WDFY4: variants seen among roughly 807,000 people sequenced by gnomAD.
The protein encoded by WDFY4 is WDFY family member 4.
Under a neutral mutation model 351.9 loss-of-function variants are expected in WDFY4, and 169 were observed. The observed-to-expected ratio is 0.48, with a 90% CI of 0.42 to 0.55. The LOEUF (loss-of-function observed/expected upper bound fraction) is 0.55. Ranked by LOEUF, WDFY4 falls within the 20% of genes least tolerant of loss-of-function variation. The pLI is 0.00. For missense variants in WDFY4, 3,803 were observed against 3,935.6 expected, an observed-to-expected ratio of 0.97 and a Z score of 0.90; for synonymous variants, 1,622 against 1,574.6, an observed-to-expected ratio of 1.03 and a Z score of -0.71.
chr10:48,819,427 A>G (rs2067735518), intron 32 of WDFY4, among the ~76,000 whole-genome samples: 1 of 152,230 alleles, frequency 6.6e-6, no homozygotes, highest in African/African-American at 2.4e-5. Flanking sequence ...AGGTGCCATT[A>G]AATTCATTTT....
At chr10:48,948,137 G>A (rs1342682970) in intron 51 of WDFY4, among the ~76,000 whole-genome samples, 1 of 152,168 alleles carries the variant, frequency 6.6e-6, no homozygotes, top group Non-Finnish European at 1.5e-5. Flanking sequence ...TCCAAATAAG[G>A]AGCAAACGTC....
intron 1 of WDFY4, among the ~76,000 whole-genome samples, chr10:48,697,455 T>A (rs1369396530): frequency 6.6e-6 from 1 of 152,190 alleles, no homozygotes; most frequent in East Asian, 1.9e-4. Context: ...GTCACAATGT[T>A]GGGGAACCCG....
intron 24 of WDFY4, among the ~76,000 whole-genome samples, chr10:48,796,880 C>T (rs1047709433): frequency 1.1e-4 from 16 of 152,114 alleles, no homozygotes; most frequent in African/African-American, 2.7e-4. Flanking sequence ...CAGAAGGACA[C>T]GCCTGAGGCT....
intron 22 of WDFY4, 148 bp downstream of exon 22, chr10:48,790,133 G>A: frequency 1.4e-6 from 1 of 730,864 alleles, no homozygotes; most frequent in Admixed American, 2.2e-5. Flanking sequence ...AGTGAATCCA[G>A]CCAGAGAGTT....
chr10:48,849,622 C>T (rs550445126), intron 39 of WDFY4, among the ~76,000 whole-genome samples: 1 of 152,278 alleles, frequency 6.6e-6, no homozygotes, highest in South Asian at 2.1e-4. Context: ...GGGTGAATTC[C>T]CATTGTGATT....
chr10:48,759,492 C>A (rs910757412), intron 12 of WDFY4, among the ~76,000 whole-genome samples: 2 of 152,188 alleles, frequency 1.3e-5, no homozygotes, highest in East Asian at 1.9e-4. Context: ...ACTACAGGTC[C>A]TCTGGTCAGA....
In WDFY4 at chr10:48,786,660, C is replaced by T. The variant is rs1408295218; in HGVS notation, c.3598C>T (p.Pro1200Ser). 1.2e-5 allele frequency: 18 copies of T among 1,551,732 alleles called. No homozygotes were observed. Among genetic ancestry groups the T allele is most frequent in the Non-Finnish European group, 1.6e-5 (18 of 1,146,994 alleles). ...ACAGATGTTATACATCCAGGCTCTACCAGGGCCTTTCCTTTCTATGGATCC... is the reference window on the plus strand; with the variant it reads ...ACAGATGTTATACATCCAGGCTCTATCAGGGCCTTTCCTTTCTATGGATCC... Reference protein sequence around the residue: ...SAKMLYIQALPGPFLSMDPSA... With the variant: ...SAKMLYIQALSGPFLSMDPSA... Residue 1200 changes from proline to serine, a missense_variant, in exon 20 of 62, where the codon CCA (proline) becomes TCA (serine). By Grantham distance (74) the Pro-to-Ser change is moderately conservative. Around this residue, in one of 3 missense-constraint regions of WDFY4, gnomAD observed 3,054 missense variants for 3,148.6 expected, o/e 0.97. Transcript: ENST00000325239.
At chr10:48,796,668 C>A (rs2066886632) in intron 24 of WDFY4, among the ~76,000 whole-genome samples, 2 of 152,202 alleles carry the variant, frequency 1.3e-5, no homozygotes, top group African/African-American at 4.8e-5. Context: ...CCTCTCTGAG[C>A]CCCACTCTTT....
chr10:48,920,569 G>A (rs1169480896), intron 47 of WDFY4, among the ~76,000 whole-genome samples: 2 of 152,026 alleles, frequency 1.3e-5, no homozygotes, highest in Admixed American at 6.5e-5. Flanking sequence ...ATCATACTTC[G>A]TGAAGGACAG....
chr10:48,720,209 T>G, intron 3 of WDFY4, 84 bp downstream of exon 3: 3 of 1,348,554 alleles, frequency 2.2e-6, no homozygotes, highest in Non-Finnish European at 3.1e-6. Context: ...GGCCCCCCTC[T>G]GCTTTCGCGT....
intron 12 of WDFY4, among the ~76,000 whole-genome samples, chr10:48,751,250 A>G (rs755175300): frequency 3.9e-5 from 6 of 152,236 alleles, no homozygotes; most frequent in Non-Finnish European, 8.8e-5. Flanking sequence ...CCACTGAGCT[A>G]AACATTTAAA....
chr10:48,890,491 G>A lies in WDFY4; in HGVS notation c.7168-88G>A. On this transcript the variant is annotated intron_variant, in intron 43 of 61. Transcript: ENST00000325239. Reference sequence around the variant, plus strand: ...TGCTCTCACCTCCAATTGCCCCATGGATGGCTGGTCACTACCCTCCTGTTT... The same window carrying A: ...TGCTCTCACCTCCAATTGCCCCATGAATGGCTGGTCACTACCCTCCTGTTT... The A allele has an allele frequency of 2.0e-6, 3 of 1,492,778 alleles. No individual in the cohort carries two copies. In the South Asian group the frequency reaches 3.8e-5, roughly 19 times the overall value. The allele number at this position is 1,492,778 out of a possible 1,614,324, so 92.5% of individuals were successfully genotyped here.
At chr10:48,801,647 T>C in intron 24 of WDFY4, 1 of 377,614 alleles carries the variant, frequency 2.6e-6, no homozygotes, top group Non-Finnish European at 5.4e-6. Flanking sequence ...AGGAAATCTG[T>C]CACTCTTTTC....
At chr10:48,702,946 A>T (rs1484890238) in intron 1 of WDFY4, among the ~76,000 whole-genome samples, 1 of 152,078 alleles carries the variant, frequency 6.6e-6, no homozygotes, top group East Asian at 1.9e-4. Flanking sequence ...ATCTTGTTTT[A>T]ATCATCATTT....
Position 48,805,403 on chromosome 10 carries a change from G to T in WDFY4, c.4628G>T (p.Ser1543Ile). 6.5e-7 allele frequency: 1 copy of T among 1,548,796 alleles called. No individual in the cohort carries two copies. Residue 1543 changes from serine (S) to isoleucine (I), a missense_variant, in exon 26 of 62, where the codon AGC becomes ATC. By Grantham distance (142) the Ser-to-Ile change is moderately radical. Around this residue, in one of 3 missense-constraint regions of WDFY4, gnomAD observed 3,054 missense variants for 3,148.6 expected, o/e 0.97. Transcript: ENST00000325239. Reference protein sequence around the residue: ...ILACQLRGHFSTQDLLRIGLF... With the variant: ...ILACQLRGHFITQDLLRIGLF... ...GCCTGTCAGCTGAGGGGCCACTTCA[G>T]CACCCAGGACTTGCTCAGGTACCAC...
chr10:48,703,409 C>A (rs1381734475), intron 1 of WDFY4, among the ~76,000 whole-genome samples: 8 of 152,180 alleles, frequency 5.3e-5, no homozygotes, highest in Non-Finnish European at 8.8e-5. Flanking sequence ...ATGGAGATGG[C>A]AAACAGGCAG....
chr10:48,830,616 A>G, intron 37 of WDFY4, 84 bp from the exon 38 acceptor site: 3 of 1,447,190 alleles, frequency 2.1e-6, no homozygotes, highest in Non-Finnish European at 2.8e-6. Flanking sequence ...TGTGGGTAAA[A>G]CCACTCATGA....
Position 48,731,577 on chromosome 10 carries a change from A to G in WDFY4, c.1582+15A>G. 6.5e-7 allele frequency: 1 copy of G among 1,545,120 alleles called. No homozygotes were observed. The highest frequency in any genetic ancestry group is 8.7e-7 in the Non-Finnish European group (1 of 1,144,742). ...GAGGAAGTCAGGTGCCACTGGGTGC[A>G]TTGGGAGGGATGGGCAGGGGTCAGT... On this transcript the variant is annotated intron_variant, in intron 9 of 61. Coordinates refer to ENST00000325239, the MANE Select transcript of WDFY4 (RefSeq NM_001394531.1).
chr10:48,810,467 T>A lies in WDFY4; in HGVS notation c.4839-63T>A, dbSNP rs868425127. ...GACTTGTAAGGCTGGACATTTCATA[T>A]TTTCTGGACATGTCACTCGCTCATG... On this transcript the variant is annotated intron_variant, in intron 28 of 61. Coordinates refer to ENST00000325239, the MANE Select transcript of WDFY4 (RefSeq NM_001394531.1). The A allele has an allele frequency of 2.2e-4, 324 of 1,457,882 alleles. No homozygotes were observed. The Middle Eastern group carries it at 2.6e-3, about 12-fold the overall frequency. 90.3% of individuals were successfully genotyped at this position (1,457,882 alleles called of 1,614,324 possible). A position where few individuals can be genotyped will look rare whatever the true frequency, so the allele number is the denominator to read the frequency against.
Sources: gnomAD v4.1 joint callset for allele counts (sites outside exome capture counted in the v4.1 genomes callset) on GRCh38, gnomAD v4.1.1 for gene constraint, gnomAD v4.1.1 regional missense constraint, MANE v1.5 for transcripts, NCBI Gene and HGNC (gene_info 2026-07-23, HGNC 2026-07-21) for gene names.